The following ELMO1 variants were observed in gnomAD, a reference collection of about 807,000 sequenced individuals.
The protein encoded by ELMO1 is engulfment and cell motility 1.
Under a neutral mutation model 98.9 loss-of-function variants are expected in ELMO1, and 26 were observed. The observed-to-expected ratio is 0.26, with a 90% CI of 0.19 to 0.36. ELMO1 has a LOEUF of 0.36. Among genes scored for constraint, ELMO1 ranks in the 10% least tolerant of loss-of-function variants. The pLI, the probability that ELMO1 is intolerant of heterozygous loss-of-function variation, is 1.00. For missense variants in ELMO1, 627 were observed against 935.2 expected, an observed-to-expected ratio of 0.67 and a Z score of 4.30; for synonymous variants, 346 against 346.0, an observed-to-expected ratio of 1.00 and a Z score of 0.00.
intron 16 of ELMO1, among the ~76,000 whole-genome samples, chr7:36,991,763 A>G (rs1791893470): frequency 6.6e-6 from 1 of 152,194 alleles, no homozygotes; most frequent in Admixed American, 6.5e-5. Flanking sequence ...ATAAGCCTGG[A>G]CATCTGTGGA....
In ELMO1 at chr7:37,394,215, G is replaced by T. The variant is rs73348042; in HGVS notation, c.-73-51452C>A. 4.5e-3 allele frequency among the ~76,000 whole-genome samples: 681 copies of T among 152,290 alleles called. 9 individuals are homozygous for T. Among genetic ancestry groups the T allele is most frequent in the African/African-American group, 0.015 (621 of 41,560 alleles). On this transcript the variant is annotated intron_variant, in intron 1 of 21. Transcript: ENST00000310758. ...ACTCTTACTAGAAAGCTACAGGACA[G>T]CAGTGAGAAGGAGATGCTTGACCAG... is the stretch of plus-strand genomic sequence containing the variant.
chr7:37,059,668 G>A (rs1200604664), intron 15 of ELMO1, among the ~76,000 whole-genome samples: 1 of 152,182 alleles, frequency 6.6e-6, no homozygotes, highest in Non-Finnish European at 1.5e-5. Context: ...ATGTGCAGGA[G>A]GCCCCAGACA....
chr7:36,895,030 G>A lies in ELMO1; in HGVS notation c.1438-13C>T. On this transcript the variant is annotated splice_polypyrimidine_tract_variant and intron_variant, in intron 16 of 21. Transcript: ENST00000310758. ...CCACCTGCATTACCTGAAGATGAAAGGAAGACCATCATTTTCCTGGGGGCT... is the reference window on the plus strand; with the variant it reads ...CCACCTGCATTACCTGAAGATGAAAAGAAGACCATCATTTTCCTGGGGGCT... 2 of 1,611,828 alleles carry A rather than the reference G, an allele frequency of 1.2e-6. No homozygotes were observed. Among genetic ancestry groups the A allele is most frequent in the South Asian group, 1.1e-5 (1 of 90,838 alleles).
chr7:37,341,751 A>G (rs942919344), intron 2 of ELMO1, among the ~76,000 whole-genome samples: 2 of 152,250 alleles, frequency 1.3e-5, no homozygotes, highest in Non-Finnish European at 2.9e-5. Context: ...TGGAGAACAT[A>G]AAGATTGGAG....
chr7:37,182,023 G>GA (rs10649379), intron 13 of ELMO1, among the ~76,000 whole-genome samples: 143,326 of 150,738 alleles, frequency 0.95, 68,260 homozygotes, highest in Middle Eastern at 0.99. Flanking sequence ...TCTCAAATAA[G>GA]AAAAAAAAAA....
At chr7:37,230,998 T>C (rs1563091591) in intron 8 of ELMO1, among the ~76,000 whole-genome samples, 2 of 152,222 alleles carry the variant, frequency 1.3e-5, no homozygotes, top group Non-Finnish European at 2.9e-5. Flanking sequence ...TTACTCTTAA[T>C]GGCAATTCCA....
chr7:37,376,372 A>ATT (rs1802346611), intron 1 of ELMO1, among the ~76,000 whole-genome samples: 1 of 152,182 alleles, frequency 6.6e-6, no homozygotes, highest in South Asian at 2.1e-4. Flanking sequence ...ATAACCAGCT[A>ATT]TTGTTCCCTA....
intron 15 of ELMO1, among the ~76,000 whole-genome samples, chr7:37,083,474 AC>A (rs1320253349): frequency 4.0e-5 from 6 of 151,758 alleles, no homozygotes; most frequent in Admixed American, 3.9e-4. Context: ...CTCCTTACTC[AC>A]TCTATAAAAA....
chr7:36,919,652 G>A (rs1392825577), intron 16 of ELMO1, among the ~76,000 whole-genome samples: 1 of 152,114 alleles, frequency 6.6e-6, no homozygotes, highest in African/African-American at 2.4e-5. Flanking sequence ...GTGTGTTGCT[G>A]CACACTCAGT....
chr7:37,356,329 C>T (rs562938204), intron 1 of ELMO1, among the ~76,000 whole-genome samples: 11 of 152,164 alleles, frequency 7.2e-5, no homozygotes, highest in South Asian at 4.2e-4. Context: ...GTAATGGGAT[C>T]GCTGGGTCAA....
intron 1 of ELMO1, among the ~76,000 whole-genome samples, chr7:37,436,792 T>A (rs1474773221): frequency 2.0e-5 from 3 of 152,288 alleles, no homozygotes; most frequent in African/African-American, 7.2e-5. Context: ...AAATGAATTG[T>A]CCAACCCACT....
chr7:37,010,095 CG>C (rs1793441350), intron 16 of ELMO1, among the ~76,000 whole-genome samples: 2 of 152,012 alleles, frequency 1.3e-5, no homozygotes, highest in South Asian at 4.1e-4. Context: ...CTAGTGGAGG[CG>C]GAACAGGGCC....
chr7:37,129,898 C>T (rs527705354), intron 14 of ELMO1, among the ~76,000 whole-genome samples: 1 of 152,324 alleles, frequency 6.6e-6, no homozygotes, highest in South Asian at 2.1e-4. Context: ...ACAAGCCATG[C>T]CCCGTTTGCC....
At chr7:37,062,969 T>C (rs570734291) in intron 15 of ELMO1, among the ~76,000 whole-genome samples, 1 of 152,224 alleles carries the variant, frequency 6.6e-6, no homozygotes, top group South Asian at 2.1e-4. Flanking sequence ...AGCCTAGACA[T>C]TCCAGAGGCA....
Position 37,396,045 on chromosome 7 carries a change from C to T in ELMO1, c.-74+52630G>A, listed in dbSNP as rs112282771. Among the ~76,000 whole-genome samples, 127 of 152,118 alleles carry T rather than the reference C, an allele frequency of 8.3e-4. 1 individual carries two copies. The highest frequency in any genetic ancestry group is 3.4e-3 in the Middle Eastern group (1 of 294). On this transcript the variant is annotated intron_variant, in intron 1 of 21. Transcript: ENST00000310758. Reference sequence around the variant, plus strand: ...TCAGCTGCACTTCATCATTGCACTCCTTGGTGAGAATAATGTGGGTTTTCA... The same window carrying T: ...TCAGCTGCACTTCATCATTGCACTCTTTGGTGAGAATAATGTGGGTTTTCA...
intron 16 of ELMO1, among the ~76,000 whole-genome samples, chr7:37,002,539 A>G (rs1483214065): frequency 6.6e-6 from 1 of 152,266 alleles, no homozygotes; most frequent in African/African-American, 2.4e-5. Flanking sequence ...AAGAGGGACT[A>G]GCCCATAAAT....
intron 9 of ELMO1, among the ~76,000 whole-genome samples, chr7:37,223,772 C>T (rs1793722151): frequency 6.6e-6 from 1 of 152,130 alleles, no homozygotes; most frequent in South Asian, 2.1e-4. Flanking sequence ...CACCACAATC[C>T]TCAGCTTCTG....
chr7:36,987,153 C>A (rs1211353126), intron 16 of ELMO1, among the ~76,000 whole-genome samples: 1 of 152,180 alleles, frequency 6.6e-6, no homozygotes, highest in East Asian at 1.9e-4. Flanking sequence ...CTCATCAAGG[C>A]GCCCTGAACA....
chr7:37,417,005 C>T (rs1347157843), intron 1 of ELMO1, among the ~76,000 whole-genome samples: 1 of 152,180 alleles, frequency 6.6e-6, no homozygotes, highest in Non-Finnish European at 1.5e-5. Context: ...GCTGTAAAAG[C>T]TAAACCCCTA....
Sources: allele counts gnomAD v4.1 joint callset (sites outside exome capture counted in the v4.1 genomes callset), GRCh38; gene constraint gnomAD v4.1.1; transcripts MANE v1.5; gene names NCBI Gene and HGNC (gene_info 2026-07-23, HGNC 2026-07-21).